HIGD1C: variants seen among roughly 807,000 people sequenced by gnomAD.
HIGD1C encodes HIG1 hypoxia inducible domain family member 1C.
Under a neutral mutation model 13.1 loss-of-function variants are expected in HIGD1C, and 11 were observed. The ratio of observed to expected loss-of-function variants is 0.84; its 90% CI spans 0.53 to 1.39. The LOEUF (loss-of-function observed/expected upper bound fraction) is 1.39. Among genes scored for constraint, HIGD1C ranks in the 40% most tolerant of loss-of-function variants. HIGD1C has a pLI of 0.00. For synonymous variants in HIGD1C, 36 were observed against 37.7 expected (o/e 0.95, Z 0.17); for missense variants, 110 against 112.0 (o/e 0.98, Z 0.08).
chr12:50,939,463 AT>A, the HIGD1C span, among the ~76,000 whole-genome samples: 2 of 152,162 alleles, frequency 1.3e-5, no homozygotes, highest in African/African-American at 4.8e-5. Context: ...TAACAGTTTA[AT>A]TTGGCTATTC....
downstream of HIGD1C, among the ~76,000 whole-genome samples, chr12:50,971,263 A>G: frequency 6.7e-6 from 1 of 149,346 alleles, no homozygotes; most frequent in East Asian, 1.9e-4. Context: ...TTACGGTTTC[A>G]TAAACTCCTT....
chr12:50,969,638 G>A (rs1218973217), intron 2 of HIGD1C, among the ~76,000 whole-genome samples: 1 of 151,638 alleles, frequency 6.6e-6, no homozygotes, highest in Non-Finnish European at 1.5e-5. Flanking sequence ...AGCGGAGGTT[G>A]CAGTGAGCTG....
the HIGD1C span, among the ~76,000 whole-genome samples, chr12:50,936,864 ACTGT>A: frequency 3.0e-4 from 46 of 152,294 alleles, no homozygotes; most frequent in African/African-American, 1.1e-3. Flanking sequence ...AATAAATAAC[ACTGT>A]CTAACTTCTC....
the HIGD1C span, among the ~76,000 whole-genome samples, chr12:50,938,894 A>G: frequency 7.9e-5 from 12 of 152,218 alleles, no homozygotes; most frequent in African/African-American, 2.7e-4. Flanking sequence ...TCCTTTTGCA[A>G]CTGACTCAAT....
chr12:50,952,550 G>A (rs944707898), upstream of HIGD1C, among the ~76,000 whole-genome samples: 31 of 152,084 alleles, frequency 2.0e-4, no homozygotes, highest in African/African-American at 5.8e-4. Flanking sequence ...GTCCACCACC[G>A]ACCCACCTCA....
intron 1 of HIGD1C, among the ~76,000 whole-genome samples, chr12:50,959,023 AAAAC>A (rs1387090314): frequency 6.6e-6 from 1 of 152,074 alleles, no homozygotes; most frequent in African/African-American, 2.4e-5. Context: ...TCTCAAAAGA[AAAAC>A]AAACAAAAAA....
In HIGD1C at chr12:50,961,107, C is replaced by A. The variant is rs1271099572; in HGVS notation, c.229+5C>A. Reference sequence around the variant, plus strand: ...TTGTTGGAGCTGTGACTCTAGGTAACCCGCTTAATTTGTATCTTATGTTCA... The same window carrying A: ...TTGTTGGAGCTGTGACTCTAGGTAAACCGCTTAATTTGTATCTTATGTTCA... On this transcript the variant is annotated splice_donor_5th_base_variant and intron_variant, in intron 2 of 2. Coordinates refer to ENST00000398455, the Ensembl canonical transcript of HIGD1C. 6.2e-7 allele frequency: 1 copy of A among 1,613,460 alleles called. No homozygotes were observed. The highest frequency in any genetic ancestry group is 1.3e-5 in the African/African-American group (1 of 75,004).
chr12:50,937,903 G>C, the HIGD1C span, among the ~76,000 whole-genome samples: 3 of 152,154 alleles, frequency 2.0e-5, no homozygotes, highest in African/African-American at 7.2e-5. Context: ...AGTGCATGCT[G>C]ATGGGTCCAT....
the HIGD1C span, among the ~76,000 whole-genome samples, chr12:50,933,644 AG>A: frequency 6.6e-6 from 1 of 152,252 alleles, no homozygotes; most frequent in Non-Finnish European, 1.5e-5. Context: ...AGAAAGAGCA[AG>A]CCTACTTTTT....
rs780121421 is a variant in HIGD1C at position 50,968,390 on chromosome 12, TG to T, written c.230-2051del. Among the ~76,000 whole-genome samples, 368 of 151,610 alleles carry T rather than the reference TG, an allele frequency of 2.4e-3. 2 individuals are homozygous for T. Among genetic ancestry groups the T allele is most frequent in the African/African-American group, 7.4e-3 (308 of 41,358 alleles). ...ACTCCAGTTACACTGATTCTTTTTT[TG>T]TGTGTGTGTGGGGGGAGACAGGGTC... On this transcript the variant is annotated intron_variant, in intron 2 of 2. Coordinates refer to ENST00000398455, the Ensembl canonical transcript of HIGD1C.
chr12:50,942,495 T>TAA, the HIGD1C span, among the ~76,000 whole-genome samples: 1 of 152,196 alleles, frequency 6.6e-6, no homozygotes, highest in African/African-American at 2.4e-5. Context: ...AGAACCTAAA[T>TAA]AAAAAATCAC....
At chr12:50,952,059 ATTTTTTT>A (rs141699945), upstream of HIGD1C, among the ~76,000 whole-genome samples, 6 of 136,732 alleles carry the variant, frequency 4.4e-5, no homozygotes, top group South Asian at 2.3e-4. Flanking sequence ...TAGACCAGAA[ATTTTTTT>A]TTTTTTTTTT....
chr12:50,943,707 C>CAA, the HIGD1C span, among the ~76,000 whole-genome samples: 191 of 132,276 alleles, frequency 1.4e-3, 2 homozygotes, highest in African/African-American at 5.1e-3. Flanking sequence ...GACTCTGTCT[C>CAA]AAAAAAAAAA....
At chr12:50,946,406 A>G in the HIGD1C span, among the ~76,000 whole-genome samples, 1 of 152,258 alleles carries the variant, frequency 6.6e-6, no homozygotes, top group Non-Finnish European at 1.5e-5. Context: ...CAACCCCATC[A>G]ACAAGTGGGC....
chr12:50,971,759 G>A (rs1413648681), downstream of HIGD1C, among the ~76,000 whole-genome samples: 1 of 152,174 alleles, frequency 6.6e-6, no homozygotes, highest in Non-Finnish European at 1.5e-5. Context: ...TTTCTGGTGG[G>A]TACTTCCTTT....
chr12:50,933,968 T>G, the HIGD1C span, among the ~76,000 whole-genome samples: 229 of 152,300 alleles, frequency 1.5e-3, 4 homozygotes, highest in Middle Eastern at 0.027. Flanking sequence ...ACCCTATACT[T>G]ACAAAACCTG....
exon 2 of HIGD1C, chr12:50,961,061 G>A: frequency 1.2e-6 from 2 of 1,613,208 alleles, no homozygotes; most frequent in Non-Finnish European, 1.7e-6. Context: ...ATTCACATGA[G>A]AGTTGCTGCC....
the HIGD1C span, among the ~76,000 whole-genome samples, chr12:50,933,294 TAA>T: frequency 6.6e-6 from 1 of 152,196 alleles, no homozygotes; most frequent in South Asian, 2.1e-4. Flanking sequence ...ATAATCATTT[TAA>T]GAGCCTGAGG....
downstream of HIGD1C, among the ~76,000 whole-genome samples, chr12:50,972,149 T>C (rs537427185): frequency 1.3e-5 from 2 of 152,348 alleles, no homozygotes; most frequent in South Asian, 4.1e-4. Context: ...CATCCTTTCA[T>C]GTTGGTTGTG....
Sources: gnomAD v4.1 joint callset for allele counts (sites outside exome capture counted in the v4.1 genomes callset) on GRCh38, gnomAD v4.1.1 for gene constraint, MANE v1.5 for transcripts, NCBI Gene and HGNC (gene_info 2026-07-23, HGNC 2026-07-21) for gene names.